Variants in ARMC2 observed in about 807,000 individuals in gnomAD.
The protein encoded by ARMC2 is armadillo repeat containing 2, also known as armadillo repeat-containing protein 2.
ARMC2 carries 67 observed loss-of-function variants against 90.3 expected under a neutral mutation model. The ratio of observed to expected loss-of-function variants is 0.74; its 90% CI spans 0.61 to 0.91. The LOEUF is 0.91. Among genes scored for constraint, ARMC2 ranks in the 40% least tolerant of loss-of-function variants. The pLI is 0.00. For missense variants in ARMC2, 920 were observed against 1,030.9 expected (o/e 0.89, Z 1.47); for synonymous variants, 393 against 393.0 (o/e 1.00, Z 0.00).
chr6:109,046,692 G>C, the ARMC2 span, among the ~76,000 whole-genome samples: 2 of 135,924 alleles, frequency 1.5e-5, no homozygotes, highest in East Asian at 4.5e-4. Context: ...GTCTCTGCCC[G>C]GCCGCCCATC....
rs115554913 is a variant in ARMC2, at chr6:108,875,566, C to T, written c.464-577C>T. ...TGTCCTCCCTACCCTGCTGTACCCA[C>T]CCTATTCCCAATCCCCTTGAGCCTT... is the stretch of plus-strand genomic sequence containing the variant. On this transcript the variant is annotated intron_variant, in intron 4 of 17. Transcript: ENST00000392644. 4.2e-3 allele frequency among the ~76,000 whole-genome samples: 639 copies of T among 152,308 alleles called. 3 individuals carry two copies. The highest frequency in any genetic ancestry group is 0.014 in the African/African-American group (599 of 41,574).
intron 1 of ARMC2, among the ~76,000 whole-genome samples, chr6:108,853,126 T>G (rs530966506): frequency 6.6e-6 from 1 of 152,314 alleles, no homozygotes; most frequent in East Asian, 1.9e-4. Context: ...GCTTATCAAG[T>G]AATTTTTTTA....
intron 14 of ARMC2, 102 bp from the exon 15 acceptor site, chr6:108,961,912 A>G (rs1778025316): frequency 1.0e-6 from 1 of 994,100 alleles, no homozygotes; most frequent in African/African-American, 1.6e-5. Context: ...GTAATTTATT[A>G]TCATTTGAAA....
At chr6:108,896,441 T>A (rs12196850) in intron 6 of ARMC2, among the ~76,000 whole-genome samples, 1 of 152,216 alleles carries the variant, frequency 6.6e-6, no homozygotes, top group Non-Finnish European at 1.5e-5. Flanking sequence ...AGCAATTATA[T>A]GATTCCATGC....
chr6:108,976,853 G>T (rs1006864489), downstream of ARMC2, among the ~76,000 whole-genome samples: 1 of 152,202 alleles, frequency 6.6e-6, no homozygotes, highest in Admixed American at 6.5e-5. Flanking sequence ...CATTGATTTT[G>T]TATCTTGAGA....
chr6:108,916,297 GGTGATCCC>G (rs1773963727), intron 10 of ARMC2, among the ~76,000 whole-genome samples: 1 of 152,164 alleles, frequency 6.6e-6, no homozygotes, highest in Admixed American at 6.5e-5. Flanking sequence ...CCTACTTTTT[GGTGATCCC>G]TGTATCCAGA....
At chr6:109,020,296 ATAGAT>A in the ARMC2 span, among the ~76,000 whole-genome samples, 2 of 152,324 alleles carry the variant, frequency 1.3e-5, no homozygotes, top group South Asian at 4.1e-4. Flanking sequence ...TCTTGGCAAA[ATAGAT>A]TAGATTTTAG....
At chr6:108,934,153 G>T (rs528934506) in intron 11 of ARMC2, among the ~76,000 whole-genome samples, 5 of 152,132 alleles carry the variant, frequency 3.3e-5, no homozygotes, top group Admixed American at 1.3e-4. Context: ...GAGCCACCTC[G>T]CCTGGCATCA....
At chr6:108,882,032 T>C (rs1319388202) in intron 5 of ARMC2, among the ~76,000 whole-genome samples, 1 of 151,528 alleles carries the variant, frequency 6.6e-6, no homozygotes, top group Non-Finnish European at 1.5e-5. Context: ...AAAAAAAAGA[T>C]GAAGGAAGTG....
the ARMC2 span, chr6:109,009,362 G>A: frequency 7.5e-6 from 11 of 1,469,216 alleles, no homozygotes; most frequent in Non-Finnish European, 9.9e-6. Flanking sequence ...CAGGTACCTC[G>A]TCCTGGTCGC....
chr6:108,850,571 G>A lies in ARMC2; in HGVS notation c.-44+2025G>A, dbSNP rs74520026. Reference sequence around the variant, plus strand: ...GCCAGGCAACTTGAAATAAAGGCAAGACAGGGAAAGGAGGCTAAATCTGAA... The same window carrying A: ...GCCAGGCAACTTGAAATAAAGGCAAAACAGGGAAAGGAGGCTAAATCTGAA... On this transcript the variant is annotated intron_variant, in intron 1 of 17. Transcript: ENST00000392644. 4.1e-3 allele frequency among the ~76,000 whole-genome samples: 622 copies of A among 152,254 alleles called. 2 individuals are homozygous for A. The highest frequency in any genetic ancestry group is 0.014 in the African/African-American group (583 of 41,534).
chr6:108,893,412 T>C (rs1771289337), intron 5 of ARMC2, among the ~76,000 whole-genome samples: 1 of 152,210 alleles, frequency 6.6e-6, no homozygotes, highest in Non-Finnish European at 1.5e-5. Context: ...CTTTACTGTG[T>C]GACCTTGGGC....
the ARMC2 span, among the ~76,000 whole-genome samples, chr6:109,018,419 C>T: frequency 2.0e-5 from 3 of 152,146 alleles, no homozygotes; most frequent in Non-Finnish European, 4.4e-5. Flanking sequence ...AAAATTAATG[C>T]GTGTCTACAT....
chr6:108,925,841 G>C (rs1176951255), intron 10 of ARMC2, among the ~76,000 whole-genome samples: 1 of 152,200 alleles, frequency 6.6e-6, no homozygotes, highest in African/African-American at 2.4e-5. Flanking sequence ...TTACTCAACT[G>C]TGTGTATCAC....
the ARMC2 span, among the ~76,000 whole-genome samples, chr6:109,040,988 A>G: frequency 6.6e-6 from 1 of 151,754 alleles, no homozygotes; most frequent in African/African-American, 2.4e-5. Context: ...CATACCCTCA[A>G]TTTACAGAGT....
At chr6:108,886,569 CACAA>C (rs371204920) in intron 5 of ARMC2, among the ~76,000 whole-genome samples, 3 of 152,132 alleles carry the variant, frequency 2.0e-5, no homozygotes, top group East Asian at 1.9e-4. Flanking sequence ...ATACTCGTCT[CACAA>C]ACAAACAAAC....
At chr6:108,970,037 T>TAA (rs537655685) in intron 17 of ARMC2, among the ~76,000 whole-genome samples, 3 of 148,432 alleles carry the variant, frequency 2.0e-5, no homozygotes, top group Admixed American at 6.7e-5. Flanking sequence ...CTCTGTCTCT[T>TAA]AAAAAAAAAA....
chr6:108,942,462 C>T (rs968684406), intron 12 of ARMC2, among the ~76,000 whole-genome samples: 3 of 152,154 alleles, frequency 2.0e-5, no homozygotes. Context: ...TCTTAATGTT[C>T]TGATGTGAGT....
intron 3 of ARMC2, among the ~76,000 whole-genome samples, chr6:108,864,855 A>G (rs1775654246): frequency 6.6e-6 from 1 of 152,158 alleles, no homozygotes; most frequent in South Asian, 2.1e-4. Context: ...ATGGAAATAG[A>G]CTGTGTGTCC....
Sources: allele counts gnomAD v4.1 joint callset (sites outside exome capture counted in the v4.1 genomes callset), GRCh38; gene constraint gnomAD v4.1.1; transcripts MANE v1.5; gene names NCBI Gene and HGNC (gene_info 2026-07-23, HGNC 2026-07-21).